The following CNTN1 variants were observed in gnomAD, a reference collection of about 807,000 sequenced individuals.
The protein encoded by CNTN1 is contactin 1, also known as contactin-1.
A neutral mutation model predicts 126.4 loss-of-function variants in CNTN1; 38 were observed. The ratio of observed to expected loss-of-function variants is 0.30; its 90% CI spans 0.23 to 0.39. CNTN1 has a LOEUF of 0.39. Ranked by LOEUF, CNTN1 falls within the 10% of genes least tolerant of loss-of-function variation. CNTN1 has a pLI of 1.00. For synonymous variants in CNTN1, 413 were observed against 422.6 expected (o/e 0.98, Z 0.28); for missense variants, 1,009 against 1,248.4 (o/e 0.81, Z 2.89).
At chr12:40,747,720 G>C (rs1400376108) in intron 1 of CNTN1, among the ~76,000 whole-genome samples, 1 of 152,094 alleles carries the variant, frequency 6.6e-6, no homozygotes, top group Non-Finnish European at 1.5e-5. Flanking sequence ...ATAACACACG[G>C]AGTGGTAAGA....
intron 1 of CNTN1, among the ~76,000 whole-genome samples, chr12:40,794,717 A>G (rs1357451426): frequency 6.6e-6 from 1 of 152,070 alleles, no homozygotes; most frequent in Non-Finnish European, 1.5e-5. Flanking sequence ...CTGAAAAAAG[A>G]GACGGGAAAG....
At chr12:40,767,493 A>G (rs1939154344) in intron 1 of CNTN1, among the ~76,000 whole-genome samples, 1 of 151,644 alleles carries the variant, frequency 6.6e-6, no homozygotes, top group Admixed American at 6.6e-5. Flanking sequence ...TATTTTTAGT[A>G]GAGATGGGGT....
intron 15 of CNTN1, among the ~76,000 whole-genome samples, chr12:40,960,911 G>A (rs1309362456): frequency 4.6e-5 from 7 of 152,132 alleles, no homozygotes; most frequent in African/African-American, 7.2e-5. Flanking sequence ...TAGGAGTTAT[G>A]TTACAGTGTG....
intron 1 of CNTN1, among the ~76,000 whole-genome samples, chr12:40,711,358 A>G (rs1414532863): frequency 6.6e-6 from 1 of 151,930 alleles, no homozygotes; most frequent in Non-Finnish European, 1.5e-5. Flanking sequence ...CTTCCACCCA[A>G]TTTATTGTAG....
intron 15 of CNTN1, among the ~76,000 whole-genome samples, chr12:40,967,073 A>G (rs1324622072): frequency 1.3e-5 from 2 of 152,070 alleles, no homozygotes; most frequent in African/African-American, 4.8e-5. Flanking sequence ...AGGCAGAGGC[A>G]GGAGAATTGC....
At chr12:40,886,242 A>G (rs1944025641) in intron 1 of CNTN1, among the ~76,000 whole-genome samples, 1 of 152,056 alleles carries the variant, frequency 6.6e-6, no homozygotes, top group South Asian at 2.1e-4. Flanking sequence ...CTGTGTTTCC[A>G]GTATGGTAGA....
chr12:40,905,127 G>A (rs1565917394), intron 1 of CNTN1, among the ~76,000 whole-genome samples: 2 of 152,202 alleles, frequency 1.3e-5, no homozygotes, highest in South Asian at 4.1e-4. Flanking sequence ...ACACATTTAT[G>A]CATTTTGGCA....
intron 23 of CNTN1, among the ~76,000 whole-genome samples, chr12:41,066,277 G>T (rs1749432390): frequency 1.3e-5 from 2 of 152,054 alleles, no homozygotes; most frequent in Admixed American, 6.6e-5. Flanking sequence ...CCCTTTCTTT[G>T]TCCAGGTTCC....
intron 1 of CNTN1, among the ~76,000 whole-genome samples, chr12:40,843,893 T>C (rs565333246): frequency 6.6e-6 from 1 of 152,082 alleles, no homozygotes; most frequent in African/African-American, 2.4e-5. Context: ...GAAATAATAA[T>C]AAAGATTTTG....
intron 1 of CNTN1, among the ~76,000 whole-genome samples, chr12:40,712,544 A>G (rs1941945925): frequency 6.6e-6 from 1 of 152,076 alleles, no homozygotes; most frequent in South Asian, 2.1e-4. Context: ...ATGTGGAGAG[A>G]TCTGAGCAGA....
At chr12:41,019,864 T>C (rs1030101281) in intron 19 of CNTN1, among the ~76,000 whole-genome samples, 1 of 152,146 alleles carries the variant, frequency 6.6e-6, no homozygotes, top group Non-Finnish European at 1.5e-5. Flanking sequence ...AGAGAAAATG[T>C]ATTATATTGA....
At chr12:41,000,086 A>G (rs1948319565) in intron 17 of CNTN1, among the ~76,000 whole-genome samples, 4 of 152,158 alleles carry the variant, frequency 2.6e-5, no homozygotes, top group Admixed American at 2.6e-4. Context: ...AGTCTTGAAA[A>G]TATATTACAA....
chr12:40,930,129 G>A (rs1945833068), intron 7 of CNTN1, 127 bp downstream of exon 7: 1 of 806,284 alleles, frequency 1.2e-6, no homozygotes, highest in South Asian at 1.4e-5. Context: ...AAAAGGGGAT[G>A]CATGTTGAAG....
chr12:40,919,415 C>T (rs151273662), intron 4 of CNTN1, among the ~76,000 whole-genome samples: 4 of 152,152 alleles, frequency 2.6e-5, no homozygotes, highest in Non-Finnish European at 5.9e-5. Flanking sequence ...CTAACAGTTT[C>T]TCATCTGATG....
intron 23 of CNTN1, among the ~76,000 whole-genome samples, chr12:41,030,659 C>T (rs1325570001): frequency 1.3e-5 from 2 of 151,830 alleles, no homozygotes; most frequent in African/African-American, 4.8e-5. Flanking sequence ...ATAAATAATA[C>T]TTTTAGAGTC....
At chr12:40,974,550 A>G (rs1422604550) in intron 15 of CNTN1, among the ~76,000 whole-genome samples, 1 of 152,188 alleles carries the variant, frequency 6.6e-6, no homozygotes, top group Non-Finnish European at 1.5e-5. Flanking sequence ...TATTCTTCCC[A>G]AAAAGAAAAG....
intron 6 of CNTN1, among the ~76,000 whole-genome samples, chr12:40,925,987 C>T (rs1423571556): frequency 1.3e-5 from 2 of 151,228 alleles, no homozygotes; most frequent in African/African-American, 2.4e-5. Context: ...CACTGCATCA[C>T]TCATTGACTC....
intron 14 of CNTN1, among the ~76,000 whole-genome samples, chr12:40,952,298 T>A (rs1946719201): frequency 6.6e-6 from 1 of 152,086 alleles, no homozygotes; most frequent in South Asian, 2.1e-4. Flanking sequence ...TAGTGTTACT[T>A]CTGGAACTCA....
intron 1 of CNTN1, among the ~76,000 whole-genome samples, chr12:40,829,366 A>G (rs1941729181): frequency 6.6e-6 from 1 of 152,098 alleles, no homozygotes; most frequent in South Asian, 2.1e-4. Flanking sequence ...TATATGCACT[A>G]TAATATATAG....
Sources: allele counts gnomAD v4.1 joint callset (sites outside exome capture counted in the v4.1 genomes callset), GRCh38; gene constraint gnomAD v4.1.1; transcripts MANE v1.5; gene names NCBI Gene and HGNC (gene_info 2026-07-23, HGNC 2026-07-21).